Variants in HMGA2 observed in about 807,000 individuals in gnomAD.
HMGA2 encodes the protein high mobility group AT-hook 2.
A neutral mutation model predicts 19.1 loss-of-function variants in HMGA2; 8 were observed. The ratio of observed to expected loss-of-function variants is 0.42; its 90% CI spans 0.25 to 0.76. The LOEUF is 0.76. Ranked by LOEUF, HMGA2 falls within the 30% of genes least tolerant of loss-of-function variation. The pLI is 0.28. For missense variants in HMGA2, 109 were observed against 136.3 expected, an observed-to-expected ratio of 0.80 and a Z score of 1.00; for synonymous variants, 60 against 48.8, an observed-to-expected ratio of 1.23 and a Z score of -0.96.
rs552527812 is a variant in HMGA2, at chr12:65,933,367, C to T, written c.250-18016C>T. ...TGTACTAAAAATTACATATACCTGA[C>T]CAGACACAAAACTAAGCTGTAAGTT... On this transcript the variant is annotated intron_variant, in intron 3 of 4. Transcript: ENST00000403681. Among the ~76,000 whole-genome samples, 10 of 152,182 alleles carry T rather than the reference C, an allele frequency of 6.6e-5. No homozygotes were observed. The East Asian group carries it at 1.9e-3, about 29-fold the overall frequency.
chr12:65,890,939 C>G (rs925062474), intron 3 of HMGA2, among the ~76,000 whole-genome samples: 1 of 152,044 alleles, frequency 6.6e-6, no homozygotes, highest in Non-Finnish European at 1.5e-5. Context: ...CCATGTTGGC[C>G]AGGCTGATCT....
rs201441270 is a variant in HMGA2 at position 65,964,327 on chromosome 12, T to TTC, written c.*1047_*1048dup. ...GGGGGGGCAATCTCTCTCTGTGTCT[T>TTC]TCTCTCTCTCTCTTCCTCTCCCTCT... On this transcript the variant is annotated 3_prime_UTR_variant, in exon 5 of 5. Transcript: ENST00000403681. The TTC allele has an allele frequency of 9.6e-6, 2 of 209,140 alleles. No homozygotes were observed. The highest frequency in any genetic ancestry group is 8.6e-5 in the East Asian group (1 of 11,614). The allele number at this position is 209,140 out of a possible 1,614,324, so 13.0% of individuals were successfully genotyped here. A position where few individuals can be genotyped will look rare whatever the true frequency, so the allele number is the denominator to read the frequency against.
chr12:65,885,360 T>C (rs759303584), intron 3 of HMGA2, among the ~76,000 whole-genome samples: 1 of 152,110 alleles, frequency 6.6e-6, no homozygotes, highest in Non-Finnish European at 1.5e-5. Context: ...ATACAAAGGA[T>C]TGTTGTTATG....
rs146103677 is a variant in HMGA2, at chr12:65,889,738, C to T, written c.249+51169C>T. ...CTTTCTTTCTCACAGCAACTCAGTG[C>T]GGTAGACTCTGTTATCATCCTCATT... On this transcript the variant is annotated intron_variant, in intron 3 of 4. Coordinates refer to ENST00000403681, the MANE Select transcript of HMGA2 (RefSeq NM_003483.6). 7.3e-4 allele frequency among the ~76,000 whole-genome samples: 111 copies of T among 152,262 alleles called. 1 individual carries two copies. In the East Asian group the frequency reaches 0.018, roughly 25 times the overall value.
chr12:65,930,804 C>G (rs1013634101), intron 3 of HMGA2, among the ~76,000 whole-genome samples: 1 of 151,964 alleles, frequency 6.6e-6, no homozygotes, highest in South Asian at 2.1e-4. Flanking sequence ...ATAAAACAAT[C>G]GATATCTTAA....
chr12:65,936,094 T>C (rs1565737311), intron 3 of HMGA2, among the ~76,000 whole-genome samples: 1 of 152,204 alleles, frequency 6.6e-6, no homozygotes, highest in Non-Finnish European at 1.5e-5. Flanking sequence ...GGGTCAGATG[T>C]AGTTTGCAAG....
chr12:65,963,263 T>C lies in HMGA2; in HGVS notation c.301T>C (p.Ser101Pro). The change falls in exon 5 of 5, where the codon TCC becomes CCC. Residue 101 changes from serine to proline, a missense_variant. Transcript: ENST00000403681. ...GTTCCAGGAGGAAACTGAAGAGACATCCTCACAAGAGTCTGCCGAAGAGGA... is the reference window on the plus strand; with the variant it reads ...GTTCCAGGAGGAAACTGAAGAGACACCCTCACAAGAGTCTGCCGAAGAGGA... ...KPAQEETEET[S>P]SQESAEED 6.2e-7 allele frequency: 1 copy of C among 1,613,746 alleles called. No individual in the cohort carries two copies. Among genetic ancestry groups the C allele is most frequent in the Non-Finnish European group, 8.5e-7 (1 of 1,179,830 alleles).
At chr12:65,902,945 T>G (rs1356306752) in intron 3 of HMGA2, among the ~76,000 whole-genome samples, 1 of 152,190 alleles carries the variant, frequency 6.6e-6, no homozygotes, top group Non-Finnish European at 1.5e-5. Context: ...GTGAGATAGT[T>G]ATATAAACCA....
At chr12:65,832,215 CTTAATGCACCAGCACA>C (rs906165643) in intron 2 of HMGA2, among the ~76,000 whole-genome samples, 1 of 152,014 alleles carries the variant, frequency 6.6e-6, no homozygotes, top group Non-Finnish European at 1.5e-5. Flanking sequence ...CAAAGCCTTA[CTTAATGCACCAGCACA>C]TTCTATCTGG....
At chr12:65,937,315 T>C (rs752256036) in intron 3 of HMGA2, among the ~76,000 whole-genome samples, 1 of 152,068 alleles carries the variant, frequency 6.6e-6, no homozygotes, top group Non-Finnish European at 1.5e-5. Context: ...AGTGGGATAC[T>C]CCCCTGCTGA....
At chr12:65,862,721 G>T (rs2120989942) in intron 3 of HMGA2, among the ~76,000 whole-genome samples, 1 of 152,324 alleles carries the variant, frequency 6.6e-6, no homozygotes, top group South Asian at 2.1e-4. Context: ...TGTACTTAGT[G>T]TGTGTGAAGT....
intron 2 of HMGA2, among the ~76,000 whole-genome samples, chr12:65,835,010 C>G (rs1870652890): frequency 6.6e-6 from 1 of 152,158 alleles, no homozygotes; most frequent in Non-Finnish European, 1.5e-5. Flanking sequence ...TGGTAACAGT[C>G]TGAAATTTCA....
At chr12:65,870,115 T>C (rs1872635991) in intron 3 of HMGA2, among the ~76,000 whole-genome samples, 1 of 152,224 alleles carries the variant, frequency 6.6e-6, no homozygotes, top group Non-Finnish European at 1.5e-5. Context: ...CAGGTCTGTG[T>C]ATAAGTAAAC....
chr12:65,905,616 C>G (rs149081734), intron 3 of HMGA2, among the ~76,000 whole-genome samples: 1 of 152,162 alleles, frequency 6.6e-6, no homozygotes, highest in Admixed American at 6.5e-5. Context: ...CTGAGAATAG[C>G]GACACAGTGT....
intron 3 of HMGA2, among the ~76,000 whole-genome samples, chr12:65,940,841 G>A (rs1277457751): frequency 6.6e-6 from 1 of 152,136 alleles, no homozygotes; most frequent in Non-Finnish European, 1.5e-5. Flanking sequence ...GTACATGGTT[G>A]TTGTAAGGGT....
intron 3 of HMGA2, among the ~76,000 whole-genome samples, chr12:65,916,894 C>T (rs1473868297): frequency 2.0e-5 from 3 of 152,046 alleles, no homozygotes; most frequent in East Asian, 1.9e-4. Context: ...GCACTTGGGC[C>T]GCTTATGTGA....
intron 3 of HMGA2, among the ~76,000 whole-genome samples, chr12:65,883,838 A>G (rs946960171): frequency 1.3e-5 from 2 of 152,220 alleles, no homozygotes; most frequent in African/African-American, 4.8e-5. Context: ...TCAGGACACA[A>G]TTGAAAACTG....
intron 3 of HMGA2, among the ~76,000 whole-genome samples, chr12:65,840,319 C>G (rs927099443): frequency 3.3e-5 from 5 of 152,172 alleles, no homozygotes; most frequent in Non-Finnish European, 5.9e-5. Flanking sequence ...GTCTCTGCTC[C>G]ATGATGTCTG....
chr12:65,935,760 A>C (rs187590971), intron 3 of HMGA2, among the ~76,000 whole-genome samples: 58 of 152,252 alleles, frequency 3.8e-4, no homozygotes, highest in African/African-American at 1.4e-3. Context: ...TTTTCTTTCA[A>C]ATCCTGAAAT....
Sources: allele counts gnomAD v4.1 joint callset (sites outside exome capture counted in the v4.1 genomes callset), GRCh38; gene constraint gnomAD v4.1.1; transcripts MANE v1.5; gene names NCBI Gene and HGNC (gene_info 2026-07-23, HGNC 2026-07-21).